NRG3: variants seen among roughly 807,000 people sequenced by gnomAD.
NRG3 encodes the protein neuregulin 3, also known as pro-neuregulin-3, membrane-bound isoform.
A neutral mutation model predicts 66.9 loss-of-function variants in NRG3; 31 were observed. The observed-to-expected ratio is 0.46, with a 90% confidence interval of 0.35 to 0.63. The LOEUF is 0.63. NRG3 is among the 20% of genes least tolerant of loss of function. The probability of loss-of-function intolerance (pLI) is 0.00; values close to 1 mark genes in which losing one functional copy is unlikely to be tolerated. For synonymous variants in NRG3, 393 were observed against 359.4 expected, an observed-to-expected ratio of 1.09 and a Z score of -1.06; for missense variants, 910 against 878.9, an observed-to-expected ratio of 1.04 and a Z score of -0.45.
At chr10:82,981,919 G>C (rs961564193) in intron 8 of NRG3, among the ~76,000 whole-genome samples, 18 of 152,116 alleles carry the variant, frequency 1.2e-4, no homozygotes, top group African/African-American at 4.1e-4. Context: ...ACCACACCTA[G>C]CTAGCAACTT....
intron 4 of NRG3, among the ~76,000 whole-genome samples, chr10:82,918,839 A>AT (rs1846132041): frequency 6.6e-6 from 1 of 152,164 alleles, no homozygotes; most frequent in South Asian, 2.1e-4. Flanking sequence ...TTCAAGTGTA[A>AT]TTTTTTTAGA....
At chr10:82,136,641 A>G (rs1053703806) in intron 1 of NRG3, among the ~76,000 whole-genome samples, 2 of 151,994 alleles carry the variant, frequency 1.3e-5, no homozygotes, top group Non-Finnish European at 2.9e-5. Context: ...AGAAGCCAGT[A>G]CTGTATGCGG....
At chr10:82,028,204 T>G (rs1287312283) in intron 1 of NRG3, among the ~76,000 whole-genome samples, 1 of 152,094 alleles carries the variant, frequency 6.6e-6, no homozygotes, top group Non-Finnish European at 1.5e-5. Flanking sequence ...CTTGTAAACA[T>G]GAACAAGAGA....
rs1564564678 is a variant in NRG3 at position 82,102,137 on chromosome 10, T to TATATATATATATGTGTGTATTC, written c.823+225986_823+225987insGTGTGTATTCATATATATATAT. ...TCATATATATATATGTGTATTCATA[T>TATATATATATATGTGTGTATTC]ATATATATATATATATATATATATA... On this transcript the variant is annotated intron_variant, in intron 1 of 8. Transcript: ENST00000372141. Among the ~76,000 whole-genome samples the TATATATATATATGTGTGTATTC allele has an allele frequency of 2.0e-3, 46 of 23,350 alleles. 2 individuals are homozygous for TATATATATATATGTGTGTATTC. The highest frequency in any genetic ancestry group is 5.5e-3 in the East Asian group (6 of 1,088). The allele number at this position is 23,350 out of a possible 152,430, so 15.3% of individuals were successfully genotyped here. A position where few individuals can be genotyped will look rare whatever the true frequency, so the allele number is the denominator to read the frequency against.
At chr10:82,300,054 T>G (rs1293113257) in intron 1 of NRG3, among the ~76,000 whole-genome samples, 1 of 152,144 alleles carries the variant, frequency 6.6e-6, no homozygotes, top group African/African-American at 2.4e-5. Context: ...CATGTGTTTG[T>G]GTATATACAC....
At chr10:82,104,265 T>C (rs2066931464) in intron 1 of NRG3, among the ~76,000 whole-genome samples, 1 of 152,174 alleles carries the variant, frequency 6.6e-6, no homozygotes, top group Admixed American at 6.5e-5. Context: ...ATATTAAACT[T>C]ATAAATTAAA....
chr10:82,725,718 A>T (rs1238418444), intron 2 of NRG3, among the ~76,000 whole-genome samples: 4 of 152,172 alleles, frequency 2.6e-5, no homozygotes, highest in African/African-American at 9.7e-5. Context: ...GTATGTCCCA[A>T]ATATTGCTTC....
At chr10:82,478,972 A>G (rs1842010421) in intron 2 of NRG3, among the ~76,000 whole-genome samples, 2 of 152,200 alleles carry the variant, frequency 1.3e-5, no homozygotes, top group Admixed American at 6.5e-5. Context: ...AAAGCACAGT[A>G]CAGTTTTCTT....
intron 1 of NRG3, among the ~76,000 whole-genome samples, chr10:82,183,271 T>C (rs1197332954): frequency 6.6e-6 from 1 of 151,972 alleles, no homozygotes; most frequent in African/African-American, 2.4e-5. Context: ...CTCCCATAAT[T>C]CATGTAGTGG....
At position 82,064,714 on chromosome 10, in the gene NRG3, G is replaced by T. The variant is rs1169008363; in HGVS notation, c.823+188551G>T. On this transcript the variant is annotated intron_variant, in intron 1 of 8. Coordinates refer to ENST00000372141, the MANE Select transcript of NRG3 (RefSeq NM_001010848.4). The stretch of plus-strand genomic sequence containing the variant: ...TGCCCCAAAAGTTCCTGAAGTTCTG[G>T]TAAGTGCTGATGGAAGGGGTGACCC... Among the ~76,000 whole-genome samples, 5 of 152,162 alleles carry T rather than the reference G, an allele frequency of 3.3e-5. 1 individual carries two copies. The highest frequency in any genetic ancestry group is 7.2e-5 in the African/African-American group (3 of 41,438).
At chr10:82,676,299 T>C (rs1698654340) in intron 2 of NRG3, among the ~76,000 whole-genome samples, 1 of 152,122 alleles carries the variant, frequency 6.6e-6, no homozygotes, top group Admixed American at 6.5e-5. Flanking sequence ...AAAAAAAAAT[T>C]GAAACATCTG....
At chr10:82,350,008 C>G (rs899796769) in intron 1 of NRG3, among the ~76,000 whole-genome samples, 1 of 152,126 alleles carries the variant, frequency 6.6e-6, no homozygotes, top group African/African-American at 2.4e-5. Flanking sequence ...GATGGAAATG[C>G]GGAAATCACC....
At chr10:82,085,911 T>C (rs1024763778) in intron 1 of NRG3, among the ~76,000 whole-genome samples, 8 of 152,252 alleles carry the variant, frequency 5.3e-5, no homozygotes, top group Admixed American at 2.0e-4. Context: ...ATACTGGGCT[T>C]ACAGGCATGA....
intron 4 of NRG3, among the ~76,000 whole-genome samples, chr10:82,868,354 A>C (rs1840967626): frequency 6.6e-6 from 1 of 152,220 alleles, no homozygotes; most frequent in Non-Finnish European, 1.5e-5. Context: ...TACATGAACC[A>C]CAAGACTAAG....
At chr10:82,012,235 A>T (rs1452153757) in intron 1 of NRG3, among the ~76,000 whole-genome samples, 1 of 152,110 alleles carries the variant, frequency 6.6e-6, no homozygotes, top group Non-Finnish European at 1.5e-5. Context: ...CACCCTCTGA[A>T]GCCATGGCCT....
chr10:82,158,269 C>T (rs1316628943), intron 1 of NRG3, among the ~76,000 whole-genome samples: 2 of 151,748 alleles, frequency 1.3e-5, no homozygotes, highest in Non-Finnish European at 1.5e-5. Flanking sequence ...TTCATTGTTA[C>T]AAATAATTTT....
At chr10:82,884,797 T>C (rs1298395010) in intron 4 of NRG3, among the ~76,000 whole-genome samples, 1 of 152,224 alleles carries the variant, frequency 6.6e-6, no homozygotes, top group African/African-American at 2.4e-5. Flanking sequence ...GAAAAATATA[T>C]GTTGCACTAA....
chr10:82,854,037 G>T (rs1018077700), intron 3 of NRG3, among the ~76,000 whole-genome samples: 1 of 152,160 alleles, frequency 6.6e-6, no homozygotes, highest in African/African-American at 2.4e-5. Context: ...AAGAAAATTG[G>T]TGGGATTATG....
chr10:82,076,381 G>A (rs1325889358), intron 1 of NRG3, among the ~76,000 whole-genome samples: 1 of 152,136 alleles, frequency 6.6e-6, no homozygotes, highest in Non-Finnish European at 1.5e-5. Flanking sequence ...GATTATTTTG[G>A]TGCTCATTAT....
Sources: gnomAD v4.1 joint callset for allele counts (sites outside exome capture counted in the v4.1 genomes callset) on GRCh38, gnomAD v4.1.1 for gene constraint, MANE v1.5 for transcripts, NCBI Gene and HGNC (gene_info 2026-07-23, HGNC 2026-07-21) for gene names.